Variants in RASSF2 observed in about 807,000 individuals in gnomAD.
The protein encoded by RASSF2 is Ras association domain family member 2, also known as ras association domain-containing protein 2.
A neutral mutation model predicts 46.3 loss-of-function variants in RASSF2; 34 were observed. The ratio of observed to expected loss-of-function variants is 0.73; its 90% CI spans 0.56 to 0.98. The LOEUF (loss-of-function observed/expected upper bound fraction) is 0.98, where lower values mean the gene tolerates loss of function less well. RASSF2 is among the 50% of genes least tolerant of loss of function. The pLI is 0.00. For synonymous variants in RASSF2, 158 were observed against 162.5 expected (o/e 0.97, Z 0.21); for missense variants, 364 against 431.2 (o/e 0.84, Z 1.38).
chr20:4,817,597 G>A (rs547039492), intron 2 of RASSF2, among the ~76,000 whole-genome samples: 2 of 152,124 alleles, frequency 1.3e-5, no homozygotes, highest in Non-Finnish European at 2.9e-5. Flanking sequence ...CAGAAAGGAA[G>A]GGACCATCCG....
intron 5 of RASSF2, 123 bp from the exon 6 acceptor site, chr20:4,792,750 T>G: frequency 6.8e-7 from 1 of 1,465,516 alleles, no homozygotes; most frequent in Non-Finnish European, 9.0e-7. Context: ...GGCTGGGTAC[T>G]GGCACACATC....
At chr20:4,797,732 GA>G (rs1926467987) in intron 4 of RASSF2, among the ~76,000 whole-genome samples, 2 of 152,116 alleles carry the variant, frequency 1.3e-5, no homozygotes, top group Non-Finnish European at 2.9e-5. Flanking sequence ...GTCATTTCAT[GA>G]AAGCTCCCTC....
Position 4,800,956 on chromosome 20 carries a change from C to T in RASSF2, c.59+16G>A, listed in dbSNP as rs2122557264. 1 of 1,604,252 alleles carries T rather than the reference C, an allele frequency of 6.2e-7. No individual in the cohort carries two copies. The highest frequency in any genetic ancestry group is 8.5e-7 in the Non-Finnish European group (1 of 1,170,976). On this transcript the variant is annotated intron_variant, in intron 3 of 11. Coordinates refer to ENST00000379400, the MANE Select transcript of RASSF2 (RefSeq NM_014737.3). Reference sequence around the variant, plus strand: ...ACTGGTCACTGAGGACAAAACACTCCAGCAAAACGTCTTACTTGGAAATGT... The same window carrying T: ...ACTGGTCACTGAGGACAAAACACTCTAGCAAAACGTCTTACTTGGAAATGT...
At chr20:4,785,350 A>AAAC (rs368893486) in intron 11 of RASSF2, among the ~76,000 whole-genome samples, 18 of 152,120 alleles carry the variant, frequency 1.2e-4, no homozygotes, top group Admixed American at 2.6e-4. Flanking sequence ...AAACAAAACA[A>AAAC]AACAACAACA....
At chr20:4,789,232 A>G (rs1239262406) in intron 8 of RASSF2, among the ~76,000 whole-genome samples, 1 of 152,214 alleles carries the variant, frequency 6.6e-6, no homozygotes, top group Non-Finnish European at 1.5e-5. Context: ...AAAACCAGTC[A>G]GCAGGCCCCA....
At chr20:4,788,108 G>T in intron 9 of RASSF2, 109 bp downstream of exon 9, 1 of 1,103,222 alleles carries the variant, frequency 9.1e-7, no homozygotes, top group Non-Finnish European at 1.4e-6. Flanking sequence ...AACAACATTT[G>T]GAAGTTTCCA....
chr20:4,796,082 T>C, intron 4 of RASSF2, 116 bp from the exon 5 acceptor site: 2 of 1,148,900 alleles, frequency 1.7e-6, no homozygotes, highest in South Asian at 2.0e-5. Flanking sequence ...CCCCAGACTG[T>C]ATTCACAGGA....
At chr20:4,800,879 TG>T in intron 3 of RASSF2, 92 bp downstream of exon 3, 6 of 1,049,606 alleles carry the variant, frequency 5.7e-6, no homozygotes, top group Non-Finnish European at 9.0e-6. Flanking sequence ...TGATATACAG[TG>T]GGGGGCCCTC....
chr20:4,810,586 T>G (rs540538170), intron 2 of RASSF2, among the ~76,000 whole-genome samples: 5 of 152,164 alleles, frequency 3.3e-5, no homozygotes, highest in African/African-American at 4.8e-5. Flanking sequence ...CCAGCACCTC[T>G]CGTCTTATTT....
Position 4,801,043 on chromosome 20 carries a change from T to C in RASSF2, c.-13A>G. 1 of 1,613,230 alleles carries C rather than the reference T, an allele frequency of 6.2e-7. No individual in the cohort carries two copies. Among genetic ancestry groups the C allele is most frequent in the Non-Finnish European group, 8.5e-7 (1 of 1,179,140 alleles). On this transcript the variant is annotated 5_prime_UTR_variant, in exon 3 of 12. Coordinates refer to ENST00000379400, the MANE Select transcript of RASSF2 (RefSeq NM_014737.3). ...GGCTGTAGTCCATTCTTCCTTTCTC[T>C]TTTCATCGGAAGGAGAGGCCTACAT...
chr20:4,801,744 G>C (rs770850203), intron 2 of RASSF2, among the ~76,000 whole-genome samples: 5 of 151,742 alleles, frequency 3.3e-5, no homozygotes, highest in Non-Finnish European at 7.4e-5. Context: ...GTTTTGTTTT[G>C]TTTTGTTTTT....
chr20:4,794,701 C>T (rs1926192479), intron 5 of RASSF2, among the ~76,000 whole-genome samples: 1 of 152,124 alleles, frequency 6.6e-6, no homozygotes, highest in Admixed American at 6.5e-5. Flanking sequence ...AGAGTGAGAC[C>T]TTGTCTCAAA....
At chr20:4,818,343 G>T (rs1293261924) in intron 2 of RASSF2, among the ~76,000 whole-genome samples, 2 of 151,862 alleles carry the variant, frequency 1.3e-5, no homozygotes, top group African/African-American at 2.4e-5. Context: ...AGGTTCAACC[G>T]GTTTGGGGCA....
chr20:4,807,698 G>A (rs969947386), intron 2 of RASSF2, among the ~76,000 whole-genome samples: 31 of 152,158 alleles, frequency 2.0e-4, no homozygotes, highest in Non-Finnish European at 1.8e-4. Flanking sequence ...CTATAACTCC[G>A]ACCTATGGGG....
intron 4 of RASSF2, among the ~76,000 whole-genome samples, chr20:4,796,305 G>A (rs1358718668): frequency 6.6e-6 from 1 of 152,214 alleles, no homozygotes; most frequent in Non-Finnish European, 1.5e-5. Context: ...GATTAGCCTT[G>A]TTAACAGAAG....
chr20:4,799,940 C>G (rs188965992), intron 3 of RASSF2, among the ~76,000 whole-genome samples: 28 of 152,154 alleles, frequency 1.8e-4, no homozygotes, highest in African/African-American at 6.3e-4. Context: ...GGTGAAAGCC[C>G]ACCTCTACTA....
At chr20:4,813,514 G>A (rs968876658) in intron 2 of RASSF2, among the ~76,000 whole-genome samples, 7 of 152,204 alleles carry the variant, frequency 4.6e-5, no homozygotes, top group South Asian at 2.1e-4. Flanking sequence ...GAAGGCCACC[G>A]CTGGGCCCAC....
At chr20:4,805,583 A>T (rs543257406) in intron 2 of RASSF2, among the ~76,000 whole-genome samples, 6 of 152,234 alleles carry the variant, frequency 3.9e-5, no homozygotes, top group African/African-American at 1.4e-4. Flanking sequence ...CGGCAGCAAG[A>T]GGAAAACAAG....
At chr20:4,792,985 A>G (rs1926033366) in intron 5 of RASSF2, 2 of 230,768 alleles carry the variant, frequency 8.7e-6, no homozygotes, top group Non-Finnish European at 1.7e-5. Flanking sequence ...TATGGATTCT[A>G]TGGCTTACTT....
Sources: gnomAD v4.1 joint callset for allele counts (sites outside exome capture counted in the v4.1 genomes callset) on GRCh38, gnomAD v4.1.1 for gene constraint, MANE v1.5 for transcripts, NCBI Gene and HGNC (gene_info 2026-07-23, HGNC 2026-07-21) for gene names.